TRDN: variants seen among roughly 807,000 people sequenced by gnomAD.
The protein encoded by TRDN is triadin in skeletal muscle.
Under a neutral mutation model 149.7 loss-of-function variants are expected in TRDN, and 161 were observed. That is an observed-to-expected ratio of 1.08 (90% CI 0.95 to 1.23). The LOEUF (loss-of-function observed/expected upper bound fraction) is 1.23, where lower values mean the gene tolerates loss of function less well. Ranked by LOEUF, TRDN falls within the 50% of genes most tolerant of loss-of-function variation. TRDN has a pLI of 0.00. For missense variants in TRDN, 896 were observed against 823.5 expected (o/e 1.09, Z -1.08); for synonymous variants, 294 against 250.5 (o/e 1.17, Z -1.64).
At chr6:123,313,832 T>C (rs528684012) in intron 24 of TRDN, among the ~76,000 whole-genome samples, 1 of 152,130 alleles carries the variant, frequency 6.6e-6, no homozygotes, top group African/African-American at 2.4e-5. Flanking sequence ...CTTTAGACCA[T>C]ATACAAAAAT....
intron 13 of TRDN, among the ~76,000 whole-genome samples, chr6:123,390,748 A>C (rs1211097060): frequency 1.3e-5 from 2 of 152,120 alleles, no homozygotes; most frequent in African/African-American, 4.8e-5. Flanking sequence ...TAACTCTGTT[A>C]TGGGATTGGA....
At chr6:123,436,630 A>G (rs1774576432) in intron 12 of TRDN, among the ~76,000 whole-genome samples, 1 of 152,044 alleles carries the variant, frequency 6.6e-6, no homozygotes, top group Admixed American at 6.6e-5. Flanking sequence ...ATACATTATT[A>G]CTACTTAGAA....
intron 21 of TRDN, chr6:123,352,141 A>G: frequency 3.0e-6 from 3 of 984,560 alleles, no homozygotes; most frequent in Non-Finnish European, 3.6e-6. Flanking sequence ...CAAGCAACAG[A>G]AATAGTTTTT....
intron 32 of TRDN, among the ~76,000 whole-genome samples, chr6:123,267,200 A>C (rs1777042768): frequency 6.6e-6 from 1 of 151,784 alleles, no homozygotes; most frequent in Non-Finnish European, 1.5e-5. Flanking sequence ...AGATTTTTGC[A>C]GTTAGCTTCC....
At position 123,319,749 on chromosome 6, in the gene TRDN, T is replaced by A. The variant is rs1779172112; in HGVS notation, c.1472-3254A>T. Among the ~76,000 whole-genome samples the A allele has an allele frequency of 2.6e-5, 4 of 152,216 alleles. No individual in the cohort carries two copies. The South Asian group carries it at 8.3e-4, about 32-fold the overall frequency. ...GCTACACGTACAAGCATTGGGGAAA[T>A]ATGGAACCAAAAAGTCCCCATGCTA... On this transcript the variant is annotated intron_variant, in intron 23 of 40. Transcript: ENST00000334268.
chr6:123,267,266 A>C (rs917278777), intron 32 of TRDN, among the ~76,000 whole-genome samples: 1 of 151,982 alleles, frequency 6.6e-6, no homozygotes, highest in Non-Finnish European at 1.5e-5. Context: ...AAATTGAATG[A>C]CATTTTAAAA....
At chr6:123,240,999 T>C (rs2114544016) in intron 38 of TRDN, among the ~76,000 whole-genome samples, 1 of 152,030 alleles carries the variant, frequency 6.6e-6, no homozygotes, top group African/African-American at 2.4e-5. Flanking sequence ...GCTATCAACA[T>C]AAAATGAAGT....
chr6:123,373,718 C>T (rs1041661682), intron 19 of TRDN, among the ~76,000 whole-genome samples: 1 of 152,154 alleles, frequency 6.6e-6, no homozygotes, highest in Non-Finnish European at 1.5e-5. Flanking sequence ...TATGGAATTG[C>T]ATCACATAAA....
At chr6:123,501,895 C>G in intron 8 of TRDN, 1 of 976,952 alleles carries the variant, frequency 1.0e-6, no homozygotes, top group Non-Finnish European at 1.2e-6. Context: ...TATTTGTGGC[C>G]TGGAAAATAA....
chr6:123,381,338 A>AT, intron 16 of TRDN, 32 bp downstream of exon 16: 1 of 1,539,878 alleles, frequency 6.5e-7, no homozygotes, highest in East Asian at 2.4e-5. Flanking sequence ...TAAAAAAAAA[A>AT]GTACACAAAT....
intron 21 of TRDN, among the ~76,000 whole-genome samples, chr6:123,345,245 G>T (rs1780207827): frequency 1.3e-5 from 2 of 151,800 alleles, no homozygotes. Context: ...ATTTTTGAGG[G>T]TTTTTTGTTT....
chr6:123,523,521 G>T (rs190537991), intron 5 of TRDN, among the ~76,000 whole-genome samples: 1 of 152,216 alleles, frequency 6.6e-6, no homozygotes, highest in East Asian at 1.9e-4. Flanking sequence ...ACCAACAAAT[G>T]GATTTAAGCC....
At chr6:123,499,031 A>G (rs1778570474) in intron 8 of TRDN, among the ~76,000 whole-genome samples, 1 of 152,222 alleles carries the variant, frequency 6.6e-6, no homozygotes, top group South Asian at 2.1e-4. Context: ...CATTTTATAC[A>G]AACTCCTTAG....
rs566216641 is a variant in TRDN, at chr6:123,505,694, C to T, written c.611-1793G>A. 1.1e-4 allele frequency among the ~76,000 whole-genome samples: 16 copies of T among 151,872 alleles called. No homozygotes were observed. In the South Asian group the frequency reaches 3.3e-3, roughly 32 times the overall value. On this transcript the variant is annotated intron_variant, in intron 7 of 40. Coordinates refer to ENST00000334268, the MANE Select transcript of TRDN (RefSeq NM_006073.4). ...TTCTCATACAAATATTACTCAATTA[C>T]TCTATAAACTTTTTTTTTTTTTTGA...
At chr6:123,609,400 GA>G (rs1353279423) in intron 1 of TRDN, among the ~76,000 whole-genome samples, 11 of 152,030 alleles carry the variant, frequency 7.2e-5, no homozygotes, top group Non-Finnish European at 1.2e-4. Context: ...CATGTGAAAA[GA>G]AATTAGAGGA....
intron 23 of TRDN, among the ~76,000 whole-genome samples, chr6:123,323,471 C>T (rs1779332553): frequency 2.0e-5 from 3 of 152,112 alleles, no homozygotes; most frequent in African/African-American, 7.2e-5. Context: ...ATTAAGTCAA[C>T]AACAGAAACA....
chr6:123,471,535 A>G (rs376222295), intron 9 of TRDN: 1 of 152,168 alleles, frequency 6.6e-6, no homozygotes, highest in African/African-American at 2.4e-5. Context: ...ATGTGACCCT[A>G]CTATAAGGTG....
intron 12 of TRDN, among the ~76,000 whole-genome samples, chr6:123,398,040 C>T (rs1467011325): frequency 3.3e-5 from 5 of 152,270 alleles, no homozygotes; most frequent in Admixed American, 1.3e-4. Context: ...TGTCTCACTC[C>T]GTCGCCCAGG....
intron 1 of TRDN, among the ~76,000 whole-genome samples, chr6:123,629,395 T>C (rs1246649212): frequency 6.6e-6 from 1 of 152,120 alleles, no homozygotes; most frequent in African/African-American, 2.4e-5. Context: ...TTCAGTAACC[T>C]GTGTCAGGGA....
Sources: gnomAD v4.1 joint callset for allele counts (sites outside exome capture counted in the v4.1 genomes callset) on GRCh38, gnomAD v4.1.1 for gene constraint, MANE v1.5 for transcripts, NCBI Gene and HGNC (gene_info 2026-07-23, HGNC 2026-07-21) for gene names.